The following DDX4 variants were observed in gnomAD, a reference collection of about 807,000 sequenced individuals.
DDX4 encodes the protein probable ATP-dependent RNA helicase DDX4.
In DDX4, 25 loss-of-function variants were observed where a neutral mutation model predicts 100.0. The ratio of observed to expected loss-of-function variants is 0.25; its 90% CI spans 0.18 to 0.35. The LOEUF is 0.35. Ranked by LOEUF, DDX4 falls within the 10% of genes least tolerant of loss-of-function variation. The pLI, the probability that DDX4 is intolerant of heterozygous loss-of-function variation, is 1.00. For synonymous variants in DDX4, 259 were observed against 275.7 expected (o/e 0.94, Z 0.60); for missense variants, 635 against 882.4 (o/e 0.72, Z 3.55).
intron 7 of DDX4, chr5:55,768,199 G>C (rs1158632542): frequency 4.6e-6 from 2 of 432,424 alleles, no homozygotes; most frequent in South Asian, 2.6e-5. Context: ...GCATGCCATG[G>C]GGTTTTGGTG....
intron 18 of DDX4, among the ~76,000 whole-genome samples, chr5:55,811,630 A>T (rs1744127513): frequency 6.6e-6 from 1 of 152,134 alleles, no homozygotes; most frequent in Non-Finnish European, 1.5e-5. Flanking sequence ...TGTCACTGTT[A>T]TTCCTAGTGT....
At chr5:55,793,741 G>A (rs942046929) in intron 17 of DDX4, among the ~76,000 whole-genome samples, 2 of 152,302 alleles carry the variant, frequency 1.3e-5, no homozygotes, top group South Asian at 2.1e-4. Flanking sequence ...AGGAATTACC[G>A]TGTCATGTTG....
At chr5:55,780,745 G>A (rs748327147) in intron 8 of DDX4, among the ~76,000 whole-genome samples, 1 of 152,102 alleles carries the variant, frequency 6.6e-6, no homozygotes, top group East Asian at 1.9e-4. Context: ...GATTTAACTT[G>A]CTTGTATCAT....
intron 10 of DDX4, among the ~76,000 whole-genome samples, chr5:55,783,079 A>G (rs1742021888): frequency 6.6e-6 from 1 of 152,166 alleles, no homozygotes; most frequent in Non-Finnish European, 1.5e-5. Flanking sequence ...GGCATGAGCC[A>G]CTGCGCCTGA....
At chr5:55,764,874 A>C (rs187341082) in intron 6 of DDX4, among the ~76,000 whole-genome samples, 1 of 152,240 alleles carries the variant, frequency 6.6e-6, no homozygotes, top group Non-Finnish European at 1.5e-5. Flanking sequence ...TACCAGACAC[A>C]TTCATGACAA....
At chr5:55,754,704 G>T (rs1580523621) in intron 3 of DDX4, among the ~76,000 whole-genome samples, 1 of 150,822 alleles carries the variant, frequency 6.6e-6, no homozygotes, top group African/African-American at 2.4e-5. Flanking sequence ...AGTTAGGGAG[G>T]ATTCCCTCTT....
In DDX4 at chr5:55,746,185, G is replaced by A. The variant is rs771635664; in HGVS notation, c.91G>A (p.Gly31Arg). The change falls in exon 3 of 22, where the codon GGA becomes AGA. Residue 31 changes from glycine (G) to arginine (R), a missense_variant. Physicochemically the swap from Gly to Arg is moderately radical, Grantham distance 125 (BLOSUM62 -2). Coordinates refer to ENST00000505374, the MANE Select transcript of DDX4 (RefSeq NM_024415.3). ...ACAGGATAGGTATTCTGGAGAAAAT[G>A]GAGACAATTTTAACAGGACTCCAGC... ...FEKDRYSGENGDNFNRTPASS... is the reference protein window; with the variant it reads ...FEKDRYSGENRDNFNRTPASS... 1.2e-6 allele frequency: 2 copies of A among 1,612,300 alleles called. No individual in the cohort carries two copies. Among genetic ancestry groups the A allele is most frequent in the African/African-American group, 2.7e-5 (2 of 74,812 alleles).
intron 15 of DDX4, 60 bp from the exon 16 acceptor site, chr5:55,790,516 A>G: frequency 9.1e-7 from 1 of 1,104,546 alleles, no homozygotes; most frequent in Non-Finnish European, 1.4e-6. Flanking sequence ...ATATCTTGTT[A>G]GAAACAGATG....
rs10574331 is a variant in DDX4 at position 55,810,030 on chromosome 5, T to TAC, written c.1616-3629_1616-3628dup. On this transcript the variant is annotated intron_variant, in intron 18 of 21. Coordinates refer to ENST00000505374, the MANE Select transcript of DDX4 (RefSeq NM_024415.3). The stretch of plus-strand genomic sequence containing the variant: ...AATCATGAGGGACTCCCGTAAAGCA[T>TAC]ACACACACACACACAAAAAATAGAG... 5.8e-4 allele frequency among the ~76,000 whole-genome samples: 88 copies of TAC among 151,570 alleles called. 1 individual carries two copies. Among genetic ancestry groups the TAC allele is most frequent in the Non-Finnish European group, 7.1e-4 (48 of 67,776 alleles).
intron 10 of DDX4, among the ~76,000 whole-genome samples, chr5:55,783,662 G>GATGGATGGATGGATGGATGGATGA (rs1742062136): frequency 6.7e-6 from 1 of 148,194 alleles, no homozygotes; most frequent in Non-Finnish European, 1.5e-5. Context: ...TGGATGGATG[G>GATGGATGGATGGATGGATGGATGA]ATGGATGGAT....
chr5:55,772,728 C>T (rs1741327011), intron 7 of DDX4, among the ~76,000 whole-genome samples: 1 of 152,194 alleles, frequency 6.6e-6, no homozygotes, highest in Non-Finnish European at 1.5e-5. Context: ...CCTCTACTTC[C>T]TCTGCATCAT....
chr5:55,742,992 G>C (rs1199441924), intron 2 of DDX4, among the ~76,000 whole-genome samples: 2 of 152,158 alleles, frequency 1.3e-5, no homozygotes, highest in African/African-American at 4.8e-5. Flanking sequence ...AGGTTCTCAA[G>C]GAACCTTTGA....
chr5:55,790,346 A>G (rs1177250795), intron 15 of DDX4, among the ~76,000 whole-genome samples: 1 of 152,020 alleles, frequency 6.6e-6, no homozygotes, highest in African/African-American at 2.4e-5. Context: ...GGATTTTACC[A>G]TGTTGGCCAG....
At chr5:55,783,762 A>G (rs1314250994) in intron 10 of DDX4, among the ~76,000 whole-genome samples, 1 of 151,946 alleles carries the variant, frequency 6.6e-6, no homozygotes, top group Non-Finnish European at 1.5e-5. Flanking sequence ...AGAAAGTCCT[A>G]TGATAGGCTG....
At chr5:55,744,962 C>T (rs984699862) in intron 2 of DDX4, among the ~76,000 whole-genome samples, 2 of 151,940 alleles carry the variant, frequency 1.3e-5, no homozygotes, top group African/African-American at 4.8e-5. Context: ...CTCACCACAA[C>T]CTCTGCCTCC....
chr5:55,749,451 A>G (rs1262468464), intron 3 of DDX4, among the ~76,000 whole-genome samples: 1 of 152,118 alleles, frequency 6.6e-6, no homozygotes, highest in South Asian at 2.1e-4. Context: ...AATTCTGCTG[A>G]ACCTTGCCTG....
chr5:55,757,383 G>A (rs1188856413), intron 3 of DDX4, among the ~76,000 whole-genome samples: 5 of 152,268 alleles, frequency 3.3e-5, no homozygotes, highest in African/African-American at 1.2e-4. Context: ...CCATTCCTGA[G>A]TTAATTCACT....
chr5:55,768,082 ATAT>A (rs370258736), intron 7 of DDX4, 142 bp downstream of exon 7: 28 of 756,978 alleles, frequency 3.7e-5, no homozygotes, highest in African/African-American at 3.7e-4. Context: ...TCTGCTTTTA[ATAT>A]TTGAGTGAGT....
intron 18 of DDX4, among the ~76,000 whole-genome samples, chr5:55,805,121 G>A (rs1743608335): frequency 7.6e-6 from 1 of 132,226 alleles, no homozygotes; most frequent in African/African-American, 3.4e-5. Context: ...TTGGCTCTCT[G>A]TTTGTCTGTT....
Sources: allele counts gnomAD v4.1 joint callset (sites outside exome capture counted in the v4.1 genomes callset), GRCh38; gene constraint gnomAD v4.1.1; transcripts MANE v1.5; gene names NCBI Gene and HGNC (gene_info 2026-07-23, HGNC 2026-07-21).